The following SELENOM variants were observed in gnomAD, a reference collection of about 807,000 sequenced individuals.
SELENOM encodes selenoprotein M, also known as selenoprotein SelM.
SELENOM carries 17 observed loss-of-function variants against 14.5 expected under a neutral mutation model. The observed-to-expected ratio is 1.17, with a 90% CI of 0.80 to 1.76. The LOEUF is 1.76. Among genes scored for constraint, SELENOM ranks in the 40% most tolerant of loss-of-function variants. The pLI is 0.00. For synonymous variants in SELENOM, 102 were observed against 93.3 expected, an observed-to-expected ratio of 1.09 and a Z score of -0.54; for missense variants, 230 against 204.6, an observed-to-expected ratio of 1.12 and a Z score of -0.76.
intron 1 of SELENOM, chr22:31,107,146 G>A (rs1002769939): frequency 2.2e-5 from 12 of 540,728 alleles, no homozygotes; most frequent in East Asian, 6.9e-5. Flanking sequence ...ACCGGGTAGG[G>A]GGAGCTGGGG....
At chr22:31,105,582 C>G in intron 3 of SELENOM, 76 bp downstream of exon 3, 1 of 1,438,188 alleles carries the variant, frequency 7.0e-7, no homozygotes, top group South Asian at 1.1e-5. Flanking sequence ...AAACCATCTG[C>G]CACCCCTTTC....
At chr22:31,107,214 G>A in intron 1 of SELENOM, 163 bp downstream of exon 1, 1 of 877,532 alleles carries the variant, frequency 1.1e-6, no homozygotes, top group Non-Finnish European at 1.7e-6. Context: ...GGTGGATGCT[G>A]GGGCCATCTG....
At position 31,105,678 on chromosome 22, in the gene SELENOM, G is replaced by T; in HGVS notation, c.180C>A (p.Val60=). 1 of 1,614,082 alleles carries T rather than the reference G, an allele frequency of 6.2e-7. No homozygotes were observed. Among genetic ancestry groups the T allele is most frequent in the East Asian group, 2.2e-5 (1 of 44,888 alleles). ...GATACTAGAATGGAATGTCCTGCGT[G>T]ACGAAAGCCTTCACCTGGGGAGGAA... ...LNRLKEVKAF[V]TQDIPFYHNL... Residue 60 remains valine, a synonymous_variant, in exon 3 of 5, where the codon GTC becomes GTA. Coordinates refer to ENST00000400299, the MANE Select transcript of SELENOM (RefSeq NM_080430.4).
In SELENOM at chr22:31,107,400, C is replaced by A. The variant is rs760368309; in HGVS notation, c.106G>T (p.Gly36Cys). 2 of 1,592,946 alleles carry A rather than the reference C, an allele frequency of 1.3e-6. No homozygotes were observed. The highest frequency in any genetic ancestry group is 8.5e-7 in the Non-Finnish European group (1 of 1,171,956). The change falls in exon 1 of 5, where the codon GGC becomes TGC. Residue 36 changes from glycine (G) to cysteine (C), a missense_variant. Coordinates refer to ENST00000400299, the MANE Select transcript of SELENOM (RefSeq NM_080430.4). ...ACCTCTACCCGGGCGCGGGTTAGGCCGCTCAGACGGTTCCAGTCCGGCCGG... is the reference window on the plus strand; with the variant it reads ...ACCTCTACCCGGGCGCGGGTTAGGCAGCTCAGACGGTTCCAGTCCGGCCGG... ...AYRPDWNRLS[G>C]LTRARVETCG...
Position 31,104,875 on chromosome 22 carries a change from G to A in SELENOM, c.*95C>T. ...CCTGCTGGCCCGGGGACGGGCATCG[G>A]CTCTCAGCAAGAGAAGTATTCCCGG... On this transcript the variant is annotated 3_prime_UTR_variant, in exon 5 of 5. Transcript: ENST00000400299. 1 of 1,360,156 alleles carries A rather than the reference G, an allele frequency of 7.4e-7. No individual in the cohort carries two copies. The highest frequency in any genetic ancestry group is 9.8e-7 in the Non-Finnish European group (1 of 1,022,066). The allele number at this position is 1,360,156 out of a possible 1,614,324, so 84.3% of individuals were successfully genotyped here.
rs778599308 is a variant in SELENOM at position 31,105,117 on chromosome 22, G to A, written c.291C>T (p.Leu97=). The change falls in exon 5 of 5, where the codon CTC becomes CTT. Residue 97 remains leucine (L), a synonymous_variant. Coordinates refer to ENST00000400299, the MANE Select transcript of SELENOM (RefSeq NM_080430.4). The stretch of plus-strand genomic sequence containing the variant: ...TGATCTCTTCGCGGGTCATTTCACT[G>A]AGTGGGATGCGCTGAGGCGGAGGAG... ...RRYEELERIP[L]SEMTREEINA... The A allele has an allele frequency of 1.5e-5, 24 of 1,613,544 alleles. No homozygotes were observed. In the Admixed American group the frequency reaches 3.3e-4, roughly 22 times the overall value.
At chr22:31,106,270 G>A (rs1431350388) in intron 1 of SELENOM, 1 of 485,574 alleles carries the variant, frequency 2.1e-6, no homozygotes, top group African/African-American at 1.9e-5. Flanking sequence ...ATGCCCAGGG[G>A]AAATGATCAC....
chr22:31,105,881 C>G (rs747209827), intron 2 of SELENOM, 49 bp downstream of exon 2: 4 of 1,597,720 alleles, frequency 2.5e-6, no homozygotes, highest in Non-Finnish European at 3.4e-6. Context: ...GCCCACTCCC[C>G]AAGAGGCTCA....
chr22:31,107,161 G>A, intron 1 of SELENOM: 1 of 575,170 alleles, frequency 1.7e-6, no homozygotes, highest in Non-Finnish European at 3.0e-6. Flanking sequence ...CTGGGGAAGG[G>A]TTCGGAGTTC....
chr22:31,105,708 A>G lies in SELENOM; in HGVS notation c.166-16T>C. 6.2e-7 allele frequency: 1 copy of G among 1,613,932 alleles called. No individual in the cohort carries two copies. Among genetic ancestry groups the G allele is most frequent in the Non-Finnish European group, 8.5e-7 (1 of 1,179,848 alleles). Reference sequence around the variant, plus strand: ...AAGCCTTCACCTGGGGAGGAACCAGAGCATCAGAGACCATGACCTCAGTCT... The same window carrying G: ...AAGCCTTCACCTGGGGAGGAACCAGGGCATCAGAGACCATGACCTCAGTCT... On this transcript the variant is annotated splice_polypyrimidine_tract_variant and intron_variant, in intron 2 of 4. Transcript: ENST00000400299.
At position 31,104,866 on chromosome 22, in the gene SELENOM, C is replaced by A; in HGVS notation, c.*104G>T. On this transcript the variant is annotated 3_prime_UTR_variant, in exon 5 of 5. Transcript: ENST00000400299. Reference sequence around the variant, plus strand: ...AACCCCATCCCTGCTGGCCCGGGGACGGGCATCGGCTCTCAGCAAGAGAAG... The same window carrying A: ...AACCCCATCCCTGCTGGCCCGGGGAAGGGCATCGGCTCTCAGCAAGAGAAG... 7.7e-7 allele frequency: 1 copy of A among 1,300,956 alleles called. No homozygotes were observed. Among genetic ancestry groups the A allele is most frequent in the Non-Finnish European group, 1.0e-6 (1 of 971,200 alleles). 80.6% of individuals were successfully genotyped at this position (1,300,956 alleles called of 1,614,324 possible).
In SELENOM at chr22:31,105,606, A is replaced by G. The variant is rs2044394364; in HGVS notation, c.200+52T>C. On this transcript the variant is annotated intron_variant, in intron 3 of 4. Transcript: ENST00000400299. ...GCCACCCCTTTCTGAAGTTACGTGG[A>G]GATTCTCCCAGGTGCCCATCCCATT... is the stretch of plus-strand genomic sequence containing the variant. 6 of 1,570,516 alleles carry G rather than the reference A, an allele frequency of 3.8e-6. No homozygotes were observed. The South Asian group carries it at 6.7e-5, about 17-fold the overall frequency.
intron 1 of SELENOM, 163 bp from the exon 2 acceptor site, chr22:31,106,128 AG>A: frequency 2.9e-6 from 2 of 682,590 alleles, no homozygotes; most frequent in South Asian, 3.3e-5. Context: ...TGTGGGCAGA[AG>A]GGGGAACTGT....
chr22:31,105,890 CAG>C, intron 2 of SELENOM, 38 bp downstream of exon 2: 4 of 1,605,774 alleles, frequency 2.5e-6, no homozygotes, highest in Middle Eastern at 1.7e-4. Context: ...CCAAGAGGCT[CAG>C]GGGGAACAGA....
intron 3 of SELENOM, 138 bp from the exon 4 acceptor site, chr22:31,105,424 G>A (rs62236156): frequency 4.4e-6 from 4 of 917,898 alleles, no homozygotes; most frequent in African/African-American, 1.7e-5. Flanking sequence ...CCGCTTATAC[G>A]TGAGAAAATT....
intron 1 of SELENOM, chr22:31,106,327 T>G: frequency 3.2e-6 from 1 of 314,878 alleles, no homozygotes. Flanking sequence ...CTTTGATCCC[T>G]GAAATCTCAC....
At chr22:31,105,158 G>A (rs760463131) in intron 4 of SELENOM, 30 bp from the exon 5 acceptor site, 3 of 1,613,270 alleles carry the variant, frequency 1.9e-6, no homozygotes, top group Non-Finnish European at 2.5e-6. Context: ...GGGTCAGCAG[G>A]CTGGGCCTCG....
Position 31,107,401 on chromosome 22 carries a change from G to T in SELENOM, c.105C>A (p.Ser35Arg), listed in dbSNP as rs376558024. 10 of 1,592,816 alleles carry T rather than the reference G, an allele frequency of 6.3e-6. No homozygotes were observed. In the African/African-American group the frequency reaches 8.1e-5, roughly 13 times the overall value. ...TAYRPDWNRL[S>R]GLTRARVETC... is the part of the protein sequence containing the mutation. Reference sequence around the variant, plus strand: ...CCTCTACCCGGGCGCGGGTTAGGCCGCTCAGACGGTTCCAGTCCGGCCGGT... The same window carrying T: ...CCTCTACCCGGGCGCGGGTTAGGCCTCTCAGACGGTTCCAGTCCGGCCGGT... Residue 35 changes from serine (S) to arginine (R), a missense_variant, in exon 1 of 5, where the codon AGC becomes AGA. Ser to Arg is a moderately radical substitution (Grantham distance 110, BLOSUM62 -1). Transcript: ENST00000400299.
intron 1 of SELENOM, chr22:31,107,116 G>C: frequency 2.0e-6 from 1 of 490,572 alleles, no homozygotes; most frequent in South Asian, 2.4e-5. Context: ...GCGTCAGTGT[G>C]TCTGGGTGTC....
Sources: gnomAD v4.1 joint callset for allele counts on GRCh38, gnomAD v4.1.1 for gene constraint, MANE v1.5 for transcripts, NCBI Gene and HGNC (gene_info 2026-07-23, HGNC 2026-07-21) for gene names.